The following URI1 variants were observed in gnomAD, a reference collection of about 807,000 sequenced individuals.
URI1 encodes URI1 prefoldin like chaperone.
URI1 carries 39 observed loss-of-function variants against 60.2 expected under a neutral mutation model. That is an observed-to-expected ratio of 0.65 (90% CI 0.50 to 0.85). URI1 has a LOEUF of 0.85. Among genes scored for constraint, URI1 ranks in the 40% least tolerant of loss-of-function variants. The pLI is 0.00. For missense variants in URI1, 691 were observed against 665.9 expected, an observed-to-expected ratio of 1.04 and a Z score of -0.42; for synonymous variants, 251 against 236.8, an observed-to-expected ratio of 1.06 and a Z score of -0.55.
At position 29,985,305 on chromosome 19, in the gene URI1, T is replaced by C. The variant is rs766588264; in HGVS notation, c.231+4T>C. 3 of 1,601,318 alleles carry C rather than the reference T, an allele frequency of 1.9e-6. No individual in the cohort carries two copies. The highest frequency in any genetic ancestry group is 1.7e-4 in the Middle Eastern group (1 of 6,002). ...TAAATTGTCTTATAATATAATGGTATGTTTGGTGTGTTTCTTTTAAAGTAA... is the reference window on the plus strand; with the variant it reads ...TAAATTGTCTTATAATATAATGGTACGTTTGGTGTGTTTCTTTTAAAGTAA... On this transcript the variant is annotated splice_donor_region_variant and intron_variant, in intron 3 of 10. Transcript: ENST00000392271.
intron 1 of URI1, among the ~76,000 whole-genome samples, chr19:29,951,969 A>G (rs1412449030): frequency 1.3e-5 from 2 of 152,252 alleles, no homozygotes. Flanking sequence ...CTTATAAAAT[A>G]AGAAATGCTT....
At chr19:29,995,373 T>C (rs2055798618) in intron 4 of URI1, among the ~76,000 whole-genome samples, 1 of 152,160 alleles carries the variant, frequency 6.6e-6, no homozygotes, top group Non-Finnish European at 1.5e-5. Context: ...ATATCATCTT[T>C]GGAGAAATGT....
chr19:29,971,975 C>T (rs933809833), intron 2 of URI1, among the ~76,000 whole-genome samples: 8 of 151,948 alleles, frequency 5.3e-5, no homozygotes, highest in Middle Eastern at 3.2e-3. Flanking sequence ...TGGTAACTGC[C>T]CCTTTAGTGG....
chr19:29,949,111 A>G (rs1379143896), intron 1 of URI1, among the ~76,000 whole-genome samples: 1 of 150,240 alleles, frequency 6.7e-6, no homozygotes, highest in East Asian at 2.0e-4. Flanking sequence ...CACTTCCCAG[A>G]CGGGGCAGCT....
chr19:30,006,963 T>C (rs1217558335), intron 6 of URI1, among the ~76,000 whole-genome samples: 1 of 152,108 alleles, frequency 6.6e-6, no homozygotes, highest in African/African-American at 2.4e-5. Context: ...GTTGTTTCCT[T>C]GTAGGGTACT....
chr19:29,942,516 TCA>T lies in URI1; in HGVS notation c.-28_-27del, dbSNP rs779403448. On this transcript the variant is annotated 5_prime_UTR_variant, in exon 1 of 11. An upstream open reading frame in the 5' UTR loses its in-frame stop. Coordinates refer to ENST00000392271, the MANE Select transcript of URI1 (RefSeq NM_003796.3). ...GCCTGCGCAGGCGCTGGTTCAGGAC[TCA>T]CACGCCGCGCTGAGGCCCGCGGGCC... is the stretch of plus-strand genomic sequence containing the variant. 3.5e-5 allele frequency: 47 copies of T among 1,340,804 alleles called. 1 individual carries two copies. In the South Asian group the frequency reaches 6.7e-4, roughly 19 times the overall value. The allele number at this position is 1,340,804 out of a possible 1,614,324, so 83.1% of individuals were successfully genotyped here.
chr19:29,947,764 G>A (rs971834098), intron 1 of URI1, among the ~76,000 whole-genome samples: 16 of 152,096 alleles, frequency 1.1e-4, no homozygotes, highest in African/African-American at 3.9e-4. Flanking sequence ...CACTTACAGT[G>A]GTGTCTGTCC....
chr19:29,926,166 T>C (rs2054863913), intron 1 of URI1, among the ~76,000 whole-genome samples: 1 of 151,964 alleles, frequency 6.6e-6, no homozygotes, highest in African/African-American at 2.4e-5. Context: ...ATAAGTTCTT[T>C]AGCAGTGATT....
At chr19:29,978,075 C>G (rs536392800) in intron 2 of URI1, among the ~76,000 whole-genome samples, 171 of 152,070 alleles carry the variant, frequency 1.1e-3, no homozygotes, top group African/African-American at 4.0e-3. Context: ...ATGCATTTTT[C>G]TTTTCCTTCT....
Position 29,942,606 on chromosome 19 carries a change from C to T in URI1, c.59C>T (p.Pro20Leu). Residue 20 changes from proline (P) to leucine (L), a missense_variant, in exon 1 of 11, where the codon CCT becomes CTT. Coordinates refer to ENST00000392271, the MANE Select transcript of URI1 (RefSeq NM_003796.3). ...PDPSPPSAPA[P>L]ALVPLRAPDV... is the part of the protein sequence containing the mutation. ...CCCTCGCCCCCTTCGGCCCCGGCCC[C>T]TGCCCTGGTTCCGTTGCGCGCCCCG... 2 of 1,475,808 alleles carry T rather than the reference C, an allele frequency of 1.4e-6. No individual in the cohort carries two copies. Among genetic ancestry groups the T allele is most frequent in the Non-Finnish European group, 1.8e-6 (2 of 1,119,048 alleles). The allele number at this position is 1,475,808 out of a possible 1,614,324, so 91.4% of individuals were successfully genotyped here.
chr19:29,937,167 T>C (rs1236449106), intron 1 of URI1, among the ~76,000 whole-genome samples: 1 of 152,242 alleles, frequency 6.6e-6, no homozygotes, highest in African/African-American at 2.4e-5. Context: ...TTGATCTCTC[T>C]AGTGAATTTC....
chr19:29,971,047 C>T (rs2055453379), intron 1 of URI1, 146 bp from the exon 2 acceptor site: 1 of 738,846 alleles, frequency 1.4e-6, no homozygotes, highest in Admixed American at 2.3e-5. Flanking sequence ...CTAACGTTCA[C>T]ATCTCTGTGC....
At position 30,011,246 on chromosome 19, in the gene URI1, G is replaced by C; in HGVS notation, c.1178+10G>C. On this transcript the variant is annotated intron_variant, in intron 9 of 10. Transcript: ENST00000392271. ...CTGCAGACATTTACAGGTGGGAGGC[G>C]CTCACAGCTGCAGGGCAGTCTGCTG... 1 of 1,592,468 alleles carries C rather than the reference G, an allele frequency of 6.3e-7. No individual in the cohort carries two copies. Among genetic ancestry groups the C allele is most frequent in the Non-Finnish European group, 8.5e-7 (1 of 1,173,048 alleles).
At chr19:29,982,541 A>G (rs2145362958) in intron 2 of URI1, among the ~76,000 whole-genome samples, 1 of 152,190 alleles carries the variant, frequency 6.6e-6, no homozygotes, top group East Asian at 1.9e-4. Flanking sequence ...CATTTGCAGA[A>G]TTACTTATCT....
At chr19:29,967,081 G>A (rs335006) in intron 1 of URI1, among the ~76,000 whole-genome samples, 6,864 of 152,164 alleles carry the variant, frequency 0.045, 545 homozygotes, top group African/African-American at 0.16. Flanking sequence ...TAGCACAAAT[G>A]AAAATTTTAA....
At chr19:29,966,560 T>C (rs1301779735) in intron 1 of URI1, among the ~76,000 whole-genome samples, 1 of 152,236 alleles carries the variant, frequency 6.6e-6, no homozygotes, top group Admixed American at 6.5e-5. Flanking sequence ...ACTTAAAAGA[T>C]TTGTAATTTT....
chr19:29,933,419 ATTAT>A (rs2054939659), intron 1 of URI1, among the ~76,000 whole-genome samples: 2 of 152,182 alleles, frequency 1.3e-5, no homozygotes, highest in Non-Finnish European at 2.9e-5. Context: ...TGTTTATAGT[ATTAT>A]CCAATTTATT....
chr19:30,005,392 A>G lies in URI1; in HGVS notation c.399A>G (p.Lys133=). ...HVRKTIDDLK[K]VMKNFESRVE... ...GAAAAACAATAGATGACTTAAAAAA[A>G]GTGATGAAAAATTTTGAATCCAGAG... Residue 133 remains lysine, a synonymous_variant, in exon 5 of 11, where the codon AAA becomes AAG. Transcript: ENST00000392271. 1 of 1,603,062 alleles carries G rather than the reference A, an allele frequency of 6.2e-7. No individual in the cohort carries two copies. Among genetic ancestry groups the G allele is most frequent in the Non-Finnish European group, 8.5e-7 (1 of 1,175,436 alleles).
chr19:30,004,332 ACTCTCGAGAAGCCC>A (rs2145428576), intron 4 of URI1: 1 of 151,942 alleles, frequency 6.6e-6, no homozygotes, highest in South Asian at 2.1e-4. Context: ...AACATGTGCC[ACTCTCGAGAAGCCC>A]TTCATATGTG....
Sources: gnomAD v4.1 joint callset for allele counts (sites outside exome capture counted in the v4.1 genomes callset) on GRCh38, gnomAD v4.1.1 for gene constraint, MANE v1.5 for transcripts, NCBI Gene and HGNC (gene_info 2026-07-23, HGNC 2026-07-21) for gene names.